Variants in ARHGEF38 observed in about 807,000 individuals in gnomAD.
ARHGEF38 encodes the protein Rho guanine nucleotide exchange factor (GEF) 38.
ARHGEF38 carries 79 observed loss-of-function variants against 79.9 expected under a neutral mutation model. The observed-to-expected ratio is 0.99, with a 90% CI of 0.82 to 1.19. The LOEUF is 1.19. Ranked by LOEUF, ARHGEF38 falls within the 50% of genes most tolerant of loss-of-function variation. The pLI, the probability that ARHGEF38 is intolerant of heterozygous loss-of-function variation, is 0.00. For synonymous variants in ARHGEF38, 366 were observed against 328.3 expected (o/e 1.11, Z -1.24); for missense variants, 962 against 907.2 (o/e 1.06, Z -0.78).
intron 1 of ARHGEF38, among the ~76,000 whole-genome samples, chr4:105,584,904 T>A (rs1017234657): frequency 3.3e-5 from 5 of 152,152 alleles, no homozygotes; most frequent in Non-Finnish European, 5.9e-5. Context: ...TTGGGTGCTG[T>A]TGCACTTCTC....
intron 1 of ARHGEF38, among the ~76,000 whole-genome samples, chr4:105,588,496 T>C (rs1047538397): frequency 6.6e-6 from 1 of 152,238 alleles, no homozygotes; most frequent in Non-Finnish European, 1.5e-5. Context: ...TCTGGGGAGC[T>C]CGTCCTTGAA....
chr4:105,564,882 C>CA (rs1725811891), intron 1 of ARHGEF38, among the ~76,000 whole-genome samples: 1 of 152,096 alleles, frequency 6.6e-6, no homozygotes, highest in Non-Finnish European at 1.5e-5. Context: ...GAACATCTGC[C>CA]CAAGGTGGTC....
At chr4:105,650,527 C>T (rs1288034241) in intron 7 of ARHGEF38, among the ~76,000 whole-genome samples, 1 of 152,190 alleles carries the variant, frequency 6.6e-6, no homozygotes, top group African/African-American at 2.4e-5. Context: ...CCCTGCCTCA[C>T]CTTTTGCAAG....
intron 1 of ARHGEF38, among the ~76,000 whole-genome samples, chr4:105,556,896 T>C (rs1001153035): frequency 1.3e-5 from 2 of 152,186 alleles, no homozygotes; most frequent in African/African-American, 4.8e-5. Flanking sequence ...GATTAAAATG[T>C]ACAGAATTTA....
At chr4:105,639,417 C>T (rs1390329325) in intron 5 of ARHGEF38, among the ~76,000 whole-genome samples, 1 of 151,844 alleles carries the variant, frequency 6.6e-6, no homozygotes, top group East Asian at 1.9e-4. Context: ...TTTTTTTCTA[C>T]TGTGCCTTTC....
chr4:105,586,935 A>G (rs766355832), intron 1 of ARHGEF38, among the ~76,000 whole-genome samples: 3 of 125,208 alleles, frequency 2.4e-5, no homozygotes, highest in Non-Finnish European at 4.6e-5. Flanking sequence ...TTCACTATGT[A>G]TAATACATCA....
At chr4:105,671,742 T>A (rs1730964504) in intron 13 of ARHGEF38, among the ~76,000 whole-genome samples, 1 of 152,228 alleles carries the variant, frequency 6.6e-6, no homozygotes, top group Non-Finnish European at 1.5e-5. Flanking sequence ...ATTTGCGGTA[T>A]CCTACAAAGC....
chr4:105,667,561 T>G lies in ARHGEF38; in HGVS notation c.2006T>G (p.Val669Gly). The G allele has an allele frequency of 6.5e-7, 1 of 1,536,724 alleles. No individual in the cohort carries two copies. ...DDDFENISLF[V>G]SSRPASDSVT... ...GATTTTGAGAACATCAGCCTCTTCG[T>G]GTCTTCACGGCCAGCTAGTGACAGT... The change falls in exon 13 of 14, where the codon GTG (valine) becomes GGG (glycine). Residue 669 changes from valine (V) to glycine (G), a missense_variant. Transcript: ENST00000420470.
chr4:105,553,047 G>A, intron 1 of ARHGEF38, 86 bp downstream of exon 1: 3 of 1,075,244 alleles, frequency 2.8e-6, no homozygotes, highest in Non-Finnish European at 1.3e-6. Context: ...AAACACACAA[G>A]GCAGAGGGGA....
chr4:105,661,313 T>G (rs989549610), intron 10 of ARHGEF38, among the ~76,000 whole-genome samples: 17 of 152,180 alleles, frequency 1.1e-4, no homozygotes, highest in African/African-American at 3.6e-4. Flanking sequence ...TGGATATATG[T>G]TCCCATTTCT....
At chr4:105,661,191 T>C (rs1730548330) in intron 10 of ARHGEF38, among the ~76,000 whole-genome samples, 1 of 152,230 alleles carries the variant, frequency 6.6e-6, no homozygotes, top group Admixed American at 6.5e-5. Flanking sequence ...TAACATTCCA[T>C]TGTATGAATA....
chr4:105,591,187 G>C (rs1461615177), intron 2 of ARHGEF38, among the ~76,000 whole-genome samples: 1 of 152,098 alleles, frequency 6.6e-6, no homozygotes, highest in Non-Finnish European at 1.5e-5. Context: ...ACATTCAGGA[G>C]CAGATTTTAT....
chr4:105,642,339 C>T (rs1231830957), intron 5 of ARHGEF38, among the ~76,000 whole-genome samples: 7 of 152,054 alleles, frequency 4.6e-5, no homozygotes, highest in South Asian at 2.1e-4. Context: ...TTTTTGAGAA[C>T]GCCTTTTTTA....
chr4:105,585,725 G>GATTTTTT (rs1491390111), intron 1 of ARHGEF38, among the ~76,000 whole-genome samples: 1 of 14,440 alleles, frequency 6.9e-5, no homozygotes, highest in Admixed American at 9.0e-4. Context: ...CCCCTCCGTT[G>GATTTTTT]CTTTTTTTTT....
chr4:105,556,934 T>A (rs879654413), intron 1 of ARHGEF38, among the ~76,000 whole-genome samples: 9 of 152,206 alleles, frequency 5.9e-5, no homozygotes, highest in Non-Finnish European at 1.3e-4. Context: ...AGTGGAAGCC[T>A]GTTTCATTCC....
At position 105,642,663 on chromosome 4, in the gene ARHGEF38, G is replaced by A. The variant is rs116750444; in HGVS notation, c.675-2525G>A. Among the ~76,000 whole-genome samples, 790 of 152,226 alleles carry A rather than the reference G, an allele frequency of 5.2e-3. 7 individuals are homozygous for A. The highest frequency in any genetic ancestry group is 0.018 in the African/African-American group (744 of 41,552). On this transcript the variant is annotated intron_variant, in intron 5 of 13. Coordinates refer to ENST00000420470, the MANE Select transcript of ARHGEF38 (RefSeq NM_001242729.2). ...TGAGGAAGAACCAACACAGGAAAGA[G>A]GCAAAGAGAATCTCCAGGATGATGG... is the stretch of plus-strand genomic sequence containing the variant.
intron 1 of ARHGEF38, among the ~76,000 whole-genome samples, chr4:105,562,947 A>T (rs1168338106): frequency 6.6e-6 from 1 of 152,198 alleles, no homozygotes; most frequent in Non-Finnish European, 1.5e-5. Context: ...TTCTGAAGAC[A>T]GATGATTTTT....
chr4:105,591,466 T>C (rs759977174), intron 2 of ARHGEF38, among the ~76,000 whole-genome samples: 1 of 152,194 alleles, frequency 6.6e-6, no homozygotes, highest in Non-Finnish European at 1.5e-5. Context: ...CCTGACCTTG[T>C]GATCCACCCG....
At chr4:105,577,075 C>CT (rs549705244) in intron 1 of ARHGEF38, among the ~76,000 whole-genome samples, 76 of 115,870 alleles carry the variant, frequency 6.6e-4, no homozygotes, top group Admixed American at 1.2e-3. Context: ...TTGTAGCTTT[C>CT]TTTTTTTTTA....
Sources: allele counts gnomAD v4.1 joint callset (sites outside exome capture counted in the v4.1 genomes callset), GRCh38; gene constraint gnomAD v4.1.1; transcripts MANE v1.5; gene names NCBI Gene and HGNC (gene_info 2026-07-23, HGNC 2026-07-21).